Variants in CPA6 observed in about 807,000 individuals in gnomAD.
CPA6 encodes the protein carboxypeptidase A6, also known as carboxypeptidase B.
In CPA6, 58 loss-of-function variants were observed where a neutral mutation model predicts 63.3. The ratio of observed to expected loss-of-function variants is 0.92; its 90% CI spans 0.74 to 1.14. The LOEUF (loss-of-function observed/expected upper bound fraction) is 1.14. Ranked by LOEUF, CPA6 falls within the 50% of genes most tolerant of loss-of-function variation. The pLI is 0.00. For synonymous variants in CPA6, 185 were observed against 179.0 expected, an observed-to-expected ratio of 1.03 and a Z score of -0.27; for missense variants, 565 against 526.6, an observed-to-expected ratio of 1.07 and a Z score of -0.71.
intron 1 of CPA6, among the ~76,000 whole-genome samples, chr8:67,715,924 C>T (rs963822537): frequency 6.6e-6 from 1 of 152,016 alleles, no homozygotes; most frequent in Non-Finnish European, 1.5e-5. Context: ...GAGGCCGAGA[C>T]GGGTGGATCA....
chr8:67,672,623 G>T (rs1297448711), intron 1 of CPA6, among the ~76,000 whole-genome samples: 1 of 152,060 alleles, frequency 6.6e-6, no homozygotes, highest in Non-Finnish European at 1.5e-5. Context: ...ATAGAGCTCG[G>T]GCCCAATATG....
At chr8:67,683,081 G>T (rs979403541) in intron 1 of CPA6, among the ~76,000 whole-genome samples, 3 of 152,262 alleles carry the variant, frequency 2.0e-5, no homozygotes, top group Admixed American at 2.0e-4. Context: ...GCTTCCCCCC[G>T]GTCTGCTGCT....
chr8:67,692,328 C>CAAAAAAA (rs55676882), intron 1 of CPA6, among the ~76,000 whole-genome samples: 14 of 89,892 alleles, frequency 1.6e-4, no homozygotes, highest in Non-Finnish European at 2.3e-4. Flanking sequence ...AATCCTGTCT[C>CAAAAAAA]AAAAAAAAAA....
chr8:67,474,045 T>A (rs1034778874), intron 8 of CPA6, among the ~76,000 whole-genome samples: 4 of 152,124 alleles, frequency 2.6e-5, no homozygotes, highest in South Asian at 4.1e-4. Flanking sequence ...CTGCTTTGAA[T>A]GAACCACACA....
intron 8 of CPA6, among the ~76,000 whole-genome samples, chr8:67,456,798 G>T (rs190178037): frequency 6.6e-6 from 1 of 152,296 alleles, no homozygotes; most frequent in Admixed American, 6.5e-5. Context: ...TATCTGAATA[G>T]GTCCTATATG....
chr8:67,434,878 G>A (rs1212886735), intron 8 of CPA6, among the ~76,000 whole-genome samples: 1 of 152,208 alleles, frequency 6.6e-6, no homozygotes, highest in Non-Finnish European at 1.5e-5. Flanking sequence ...TACCCCTCCT[G>A]ACCCCCCAAG....
chr8:67,745,154 T>C (rs1445477510), intron 1 of CPA6, among the ~76,000 whole-genome samples: 1 of 152,254 alleles, frequency 6.6e-6, no homozygotes, highest in Non-Finnish European at 1.5e-5. Context: ...TAGTAGCCTA[T>C]TTAAAAATAT....
chr8:67,482,808 T>C (rs1811387425), intron 8 of CPA6, among the ~76,000 whole-genome samples: 1 of 152,234 alleles, frequency 6.6e-6, no homozygotes, highest in Non-Finnish European at 1.5e-5. Context: ...TCAGACTACA[T>C]TTGTCTTATT....
chr8:67,615,266 A>G (rs1269155843), intron 2 of CPA6, among the ~76,000 whole-genome samples: 2 of 152,184 alleles, frequency 1.3e-5, no homozygotes, highest in East Asian at 3.9e-4. Flanking sequence ...TTGTCTTTGG[A>G]GCTGTGGGTC....
chr8:67,462,823 C>T (rs1024342804), intron 8 of CPA6, among the ~76,000 whole-genome samples: 2 of 152,120 alleles, frequency 1.3e-5, no homozygotes, highest in Non-Finnish European at 2.9e-5. Flanking sequence ...TCCTTGATCT[C>T]AATACTGCCT....
chr8:67,515,270 T>C (rs1812120149), intron 3 of CPA6, among the ~76,000 whole-genome samples: 1 of 152,174 alleles, frequency 6.6e-6, no homozygotes, highest in East Asian at 1.9e-4. Context: ...TCTCATCTCA[T>C]TAAGTCACCA....
chr8:67,724,101 C>G (rs1817553234), intron 1 of CPA6, among the ~76,000 whole-genome samples: 1 of 151,734 alleles, frequency 6.6e-6, no homozygotes. Context: ...CAAAAATGAG[C>G]AAAGCATACA....
chr8:67,539,053 G>A (rs572402020), intron 2 of CPA6, among the ~76,000 whole-genome samples: 2 of 152,282 alleles, frequency 1.3e-5, no homozygotes, highest in South Asian at 4.1e-4. Flanking sequence ...ATGCTAGCTG[G>A]TTATTTTGCC....
intron 2 of CPA6, among the ~76,000 whole-genome samples, chr8:67,533,723 A>G (rs1812525419): frequency 6.6e-6 from 1 of 152,222 alleles, no homozygotes; most frequent in Non-Finnish European, 1.5e-5. Context: ...AACCTCTTTC[A>G]ATAGTGTTCT....
At chr8:67,659,706 G>A (rs1436319077) in intron 1 of CPA6, among the ~76,000 whole-genome samples, 1 of 152,136 alleles carries the variant, frequency 6.6e-6, no homozygotes, top group Non-Finnish European at 1.5e-5. Flanking sequence ...ATTTCAACAA[G>A]GTAGTCAATC....
At chr8:67,646,797 C>T (rs542099739) in intron 1 of CPA6, among the ~76,000 whole-genome samples, 8 of 152,142 alleles carry the variant, frequency 5.3e-5, no homozygotes, top group South Asian at 2.1e-4. Flanking sequence ...GAAACACAAG[C>T]GCAAAGGCCC....
intron 1 of CPA6, among the ~76,000 whole-genome samples, chr8:67,726,569 G>A (rs2129002469): frequency 1.3e-5 from 2 of 152,268 alleles, no homozygotes; most frequent in South Asian, 4.1e-4. Context: ...ACATATGAAA[G>A]TGTAATGAAT....
chr8:67,472,830 T>C (rs897851405), intron 8 of CPA6, among the ~76,000 whole-genome samples: 2 of 152,228 alleles, frequency 1.3e-5, no homozygotes, highest in Non-Finnish European at 2.9e-5. Flanking sequence ...AACTAGATAT[T>C]GTCCTTCAAA....
At chr8:67,644,124 T>TA (rs1459740727) in intron 1 of CPA6, among the ~76,000 whole-genome samples, 48 of 147,946 alleles carry the variant, frequency 3.2e-4, no homozygotes, top group East Asian at 2.0e-4. Context: ...GCTGTCTTAT[T>TA]TTTTTTTTTT....
Sources: allele counts gnomAD v4.1 joint callset (sites outside exome capture counted in the v4.1 genomes callset), GRCh38; gene constraint gnomAD v4.1.1; transcripts MANE v1.5; gene names NCBI Gene and HGNC (gene_info 2026-07-23, HGNC 2026-07-21).